The following PCDHA2 variants were observed in gnomAD, a reference collection of about 807,000 sequenced individuals.
PCDHA2 encodes protocadherin alpha 2.
A neutral mutation model predicts 66.0 loss-of-function variants in PCDHA2; 58 were observed. That is an observed-to-expected ratio of 0.88 (90% CI 0.71 to 1.09). PCDHA2 has a LOEUF of 1.09. PCDHA2 is among the 50% of genes least tolerant of loss of function. The probability of loss-of-function intolerance (pLI) is 0.00; values close to 1 mark genes in which losing one functional copy is unlikely to be tolerated. For synonymous variants in PCDHA2, 634 were observed against 554.0 expected, an observed-to-expected ratio of 1.14 and a Z score of -2.03; for missense variants, 1,267 against 1,242.3, an observed-to-expected ratio of 1.02 and a Z score of -0.30.
rs1562832308 is a variant in PCDHA2 at position 140,887,757 on chromosome 5, CAT to C, written c.2388+90408_2388+90409del. 3.3e-5 allele frequency among the ~76,000 whole-genome samples: 5 copies of C among 152,284 alleles called. No homozygotes were observed. In the East Asian group the frequency reaches 9.6e-4, roughly 29 times the overall value. On this transcript the variant is annotated intron_variant, in intron 1 of 3. Transcript: ENST00000526136. ...CATCCTTTCTGAGACTCCAGTAACA[CAT>C]ATGTTACAATGACACAGGTCATTGA...
intron 1 of PCDHA2, among the ~76,000 whole-genome samples, chr5:140,954,817 T>G (rs1461497595): frequency 1.3e-5 from 2 of 152,224 alleles, no homozygotes; most frequent in Non-Finnish European, 2.9e-5. Flanking sequence ...TGAAATTGCT[T>G]TAGGCACTTT....
rs2150476991 is a variant in PCDHA2 at position 140,850,274 on chromosome 5, G to T, written c.2388+52922G>T. Reference sequence around the variant, plus strand: ...TGGGCGCCGGCGTAGTGGTGGGGAAGGTGCGCGCAGTGGACGCCGACTCGG... The same window carrying T: ...TGGGCGCCGGCGTAGTGGTGGGGAATGTGCGCGCAGTGGACGCCGACTCGG... On this transcript the variant is annotated intron_variant, in intron 1 of 3. Coordinates refer to ENST00000526136, the MANE Select transcript of PCDHA2 (RefSeq NM_018905.3). The T allele has an allele frequency of 3.8e-6, 6 of 1,595,442 alleles. 1 individual carries two copies. In the African/African-American group the frequency reaches 4.0e-5, roughly 11 times the overall value.
At chr5:140,828,106 G>A in intron 1 of PCDHA2, 4 of 1,610,640 alleles carry the variant, frequency 2.5e-6, no homozygotes, top group Non-Finnish European at 3.4e-6. Context: ...TGTTTACCCC[G>A]GAGGATAGAT....
chr5:140,847,046 G>A (rs1554141633), intron 1 of PCDHA2, among the ~76,000 whole-genome samples: 1 of 149,680 alleles, frequency 6.7e-6, no homozygotes, highest in Non-Finnish European at 1.5e-5. Flanking sequence ...AAGGAAAGTT[G>A]AAGACACAGA....
chr5:141,003,856 ATG>A (rs1554259354), intron 3 of PCDHA2, among the ~76,000 whole-genome samples: 1 of 152,144 alleles, frequency 6.6e-6, no homozygotes, highest in Non-Finnish European at 1.5e-5. Flanking sequence ...CCAGATTTAT[ATG>A]TGTCTGAAAT....
intron 1 of PCDHA2, among the ~76,000 whole-genome samples, chr5:140,918,404 T>C (rs2078676215): frequency 6.6e-6 from 1 of 152,196 alleles, no homozygotes; most frequent in Admixed American, 6.5e-5. Context: ...CTGATTTCTC[T>C]GGCCAGGACT....
intron 1 of PCDHA2, among the ~76,000 whole-genome samples, chr5:140,946,631 T>TATATATATACAC (rs57893927): frequency 0.012 from 1,602 of 131,782 alleles, 27 homozygotes; most frequent in South Asian, 0.028. Flanking sequence ...TATATATATA[T>TATATATATACAC]ACAATGGAAT....
chr5:140,860,923 G>A (rs1419430467), intron 1 of PCDHA2: 5 of 152,248 alleles, frequency 3.3e-5, no homozygotes, highest in African/African-American at 9.7e-5. Flanking sequence ...ATTTTTAGTA[G>A]AGACGAGGTT....
chr5:140,895,023 T>C (rs781895966), intron 1 of PCDHA2, among the ~76,000 whole-genome samples: 2 of 152,204 alleles, frequency 1.3e-5, no homozygotes, highest in Non-Finnish European at 2.9e-5. Flanking sequence ...TTTCCTTTGT[T>C]TAATTGTCCC....
At chr5:140,993,345 C>T (rs557836440) in intron 3 of PCDHA2, among the ~76,000 whole-genome samples, 25 of 152,064 alleles carry the variant, frequency 1.6e-4, no homozygotes, top group African/African-American at 4.3e-4. Context: ...AAGGGCACTA[C>T]GAAGATCCTC....
chr5:140,854,061 C>A, intron 1 of PCDHA2: 1 of 279,894 alleles, frequency 3.6e-6, no homozygotes, highest in Non-Finnish European at 5.4e-6. Flanking sequence ...ACTCAGGAGG[C>A]TGAGGCGAGA....
chr5:140,982,687 C>T (rs2096996612), intron 3 of PCDHA2, 124 bp downstream of exon 3: 1 of 1,415,822 alleles, frequency 7.1e-7, no homozygotes, highest in Non-Finnish European at 9.3e-7. Flanking sequence ...CCCTTTTTTC[C>T]ATACATACAT....
At chr5:140,828,726 T>C in intron 1 of PCDHA2, 1 of 1,614,236 alleles carries the variant, frequency 6.2e-7, no homozygotes, top group Non-Finnish European at 8.5e-7. Flanking sequence ...AACTTATTCC[T>C]GACAGCCACA....
chr5:140,843,272 G>T, intron 1 of PCDHA2: 1 of 1,596,120 alleles, frequency 6.3e-7, no homozygotes, highest in Non-Finnish European at 8.6e-7. Context: ...GCTGGTCCTG[G>T]TGAAGGATCA....
chr5:140,871,527 G>T lies in PCDHA2; in HGVS notation c.2388+74175G>T, dbSNP rs537927360. ...TTCTACAGATTCCACCTATCAGGAA[G>T]TGTATGTGAAATTATTTAAAATCCA... On this transcript the variant is annotated intron_variant, in intron 1 of 3. Transcript: ENST00000526136. 7 of 1,531,726 alleles carry T rather than the reference G, an allele frequency of 4.6e-6. No individual in the cohort carries two copies. The African/African-American group carries it at 9.7e-5, about 21-fold the overall frequency. The allele number at this position is 1,531,726 out of a possible 1,614,324, so 94.9% of individuals were successfully genotyped here.
chr5:140,884,872 T>C (rs1427684688), intron 1 of PCDHA2, among the ~76,000 whole-genome samples: 1 of 152,216 alleles, frequency 6.6e-6, no homozygotes, highest in African/African-American at 2.4e-5. Context: ...CATAATGAAA[T>C]GTGCAAAACA....
chr5:140,974,636 C>T (rs1208653634), intron 1 of PCDHA2, among the ~76,000 whole-genome samples: 2 of 152,054 alleles, frequency 1.3e-5, no homozygotes, highest in African/African-American at 4.8e-5. Flanking sequence ...CTCAACCTCC[C>T]GAGTAGCTGA....
chr5:140,936,941 T>C (rs547536853), intron 1 of PCDHA2, among the ~76,000 whole-genome samples: 14 of 152,342 alleles, frequency 9.2e-5, no homozygotes, highest in Non-Finnish European at 1.3e-4. Flanking sequence ...GAAAATATCT[T>C]ATTTTGATCT....
chr5:140,809,388 C>T lies in PCDHA2; in HGVS notation c.2388+12036C>T, dbSNP rs782714901. On this transcript the variant is annotated intron_variant, in intron 1 of 3. Transcript: ENST00000526136. ...CTGCCCACCGAGGGCGCGTGCGCTCCGGGCAAGCCCACGCTGGTGTGCTCC... is the reference window on the plus strand; with the variant it reads ...CTGCCCACCGAGGGCGCGTGCGCTCTGGGCAAGCCCACGCTGGTGTGCTCC... 16 of 1,613,944 alleles carry T rather than the reference C, an allele frequency of 9.9e-6. No individual in the cohort carries two copies. The highest frequency in any genetic ancestry group is 1.3e-5 in the African/African-American group (1 of 74,948).
Sources: allele counts gnomAD v4.1 joint callset (sites outside exome capture counted in the v4.1 genomes callset), GRCh38; gene constraint gnomAD v4.1.1; transcripts MANE v1.5; gene names NCBI Gene and HGNC (gene_info 2026-07-23, HGNC 2026-07-21).